Variants in GRID1 observed in about 807,000 individuals in gnomAD.
The protein encoded by GRID1 is glutamate ionotropic receptor delta type subunit 1, also known as glutamate receptor ionotropic, delta-1.
In GRID1, 28 loss-of-function variants were observed where a neutral mutation model predicts 98.0. The observed-to-expected ratio is 0.29, with a 90% CI of 0.21 to 0.39. GRID1 has a LOEUF of 0.39. Among genes scored for constraint, GRID1 ranks in the 10% least tolerant of loss-of-function variants. The probability of loss-of-function intolerance (pLI) is 1.00; values close to 1 mark genes in which losing one functional copy is unlikely to be tolerated. For missense variants in GRID1, 1,111 were observed against 1,340.5 expected (o/e 0.83, Z 2.67); for synonymous variants, 553 against 538.5 (o/e 1.03, Z -0.37).
At chr10:86,319,320 G>A (rs937313382) in intron 2 of GRID1, among the ~76,000 whole-genome samples, 1 of 152,202 alleles carries the variant, frequency 6.6e-6, no homozygotes. Flanking sequence ...GTTGGGAATA[G>A]AAGTATGGAG....
At chr10:86,145,520 T>C (rs1845075526) in intron 3 of GRID1, among the ~76,000 whole-genome samples, 1 of 128,906 alleles carries the variant, frequency 7.8e-6, no homozygotes, top group Non-Finnish European at 1.6e-5. Context: ...AAAGAAGCTC[T>C]TTGCCCACTC....
chr10:85,686,332 A>G lies in GRID1; in HGVS notation c.1997+36671T>C, dbSNP rs528559445. Among the ~76,000 whole-genome samples, 26 of 152,320 alleles carry G rather than the reference A, an allele frequency of 1.7e-4. 1 individual carries two copies. In the South Asian group the frequency reaches 5.2e-3, roughly 30 times the overall value. ...AATGCATACTTGAGCCAGTGATTCT[A>G]TTTCAAGGTATGCATTACAAAGAAC... is the stretch of plus-strand genomic sequence containing the variant. On this transcript the variant is annotated intron_variant, in intron 12 of 15. Coordinates refer to ENST00000327946, the MANE Select transcript of GRID1 (RefSeq NM_017551.3).
At chr10:85,822,098 A>G (rs1011612038) in intron 8 of GRID1, among the ~76,000 whole-genome samples, 1 of 152,200 alleles carries the variant, frequency 6.6e-6, no homozygotes, top group African/African-American at 2.4e-5. Context: ...AAGAAAACCT[A>G]GGCATTACCA....
At chr10:86,054,791 C>A (rs1299560991) in intron 4 of GRID1, among the ~76,000 whole-genome samples, 1 of 152,232 alleles carries the variant, frequency 6.6e-6, no homozygotes, top group African/African-American at 2.4e-5. Context: ...ACTTCCCAGT[C>A]CTCTCTGTAT....
Position 85,729,598 on chromosome 10 carries a change from G to A in GRID1, c.1250C>T (p.Ser417Leu). 1 of 1,611,636 alleles carries A rather than the reference G, an allele frequency of 6.2e-7. No homozygotes were observed. The highest frequency in any genetic ancestry group is 1.3e-5 in the African/African-American group (1 of 74,954). Residue 417 changes from serine to leucine, a missense_variant, in exon 9 of 16, where the codon TCA (serine) becomes TTA (leucine). Ser to Leu is a moderately radical substitution (Grantham distance 145). Around this residue, in one of 3 missense-constraint regions of GRID1, gnomAD observed 762 missense variants for 869.1 expected, o/e 0.88. Coordinates refer to ENST00000327946, the MANE Select transcript of GRID1 (RefSeq NM_017551.3). ...KDMRKLATWD[S>L]EKGLNGSLQE... is the part of the protein sequence containing the mutation. ...CAAGCTGCCATTCAAGCCCTTCTCTGAGTCCCATGTCGCCAACTGTGAAGG... is the reference window on the plus strand; with the variant it reads ...CAAGCTGCCATTCAAGCCCTTCTCTAAGTCCCATGTCGCCAACTGTGAAGG...
At chr10:86,073,708 G>T (rs1843837347) in intron 4 of GRID1, among the ~76,000 whole-genome samples, 1 of 152,190 alleles carries the variant, frequency 6.6e-6, no homozygotes, top group Admixed American at 6.5e-5. Flanking sequence ...GGGTGAAGCT[G>T]CCCAAGGCAC....
At chr10:85,785,940 C>T (rs1842424615) in intron 8 of GRID1, among the ~76,000 whole-genome samples, 2 of 151,482 alleles carry the variant, frequency 1.3e-5, no homozygotes, top group Admixed American at 1.3e-4. Context: ...CACACGCACA[C>T]ACCACATACA....
intron 4 of GRID1, among the ~76,000 whole-genome samples, chr10:86,117,390 CCAA>C (rs1436154621): frequency 1.3e-5 from 2 of 151,854 alleles, no homozygotes; most frequent in Non-Finnish European, 2.9e-5. Flanking sequence ...ATGATCAACA[CCAA>C]CATCACCACC....
At chr10:86,150,080 T>C (rs1289276425) in intron 3 of GRID1, among the ~76,000 whole-genome samples, 2 of 152,344 alleles carry the variant, frequency 1.3e-5, no homozygotes, top group East Asian at 1.9e-4. Context: ...GTTCTTCCTC[T>C]ATGATTTGCA....
At chr10:85,787,950 T>A (rs1842444426) in intron 8 of GRID1, among the ~76,000 whole-genome samples, 1 of 151,962 alleles carries the variant, frequency 6.6e-6, no homozygotes, top group East Asian at 1.9e-4. Flanking sequence ...GGTCTGGCCC[T>A]GGTTCCGCTC....
At chr10:85,729,088 T>C (rs540185638) in intron 9 of GRID1, among the ~76,000 whole-genome samples, 2 of 152,344 alleles carry the variant, frequency 1.3e-5, no homozygotes, top group Admixed American at 6.5e-5. Context: ...CTTGTGTCAC[T>C]GTCACATGAG....
chr10:85,648,795 C>A (rs1391423302), intron 12 of GRID1, among the ~76,000 whole-genome samples: 1 of 152,206 alleles, frequency 6.6e-6, no homozygotes, highest in Non-Finnish European at 1.5e-5. Flanking sequence ...CATCCGCACC[C>A]CAGCCTCCCT....
At chr10:85,613,799 C>G (rs1209978894) in intron 14 of GRID1, 152 bp from the exon 15 acceptor site, 3 of 910,554 alleles carry the variant, frequency 3.3e-6, no homozygotes, top group East Asian at 2.5e-5. Flanking sequence ...TCCCAGTCTA[C>G]TCTCCACACT....
intron 3 of GRID1, among the ~76,000 whole-genome samples, chr10:86,187,824 C>T (rs564967640): frequency 2.6e-5 from 4 of 152,328 alleles, no homozygotes; most frequent in Middle Eastern, 3.4e-3. Context: ...TCCCACCACC[C>T]ATCTCCTAAG....
chr10:86,333,514 T>C (rs538879319), intron 2 of GRID1, among the ~76,000 whole-genome samples: 2 of 152,344 alleles, frequency 1.3e-5, no homozygotes, highest in East Asian at 1.9e-4. Flanking sequence ...CAAATGTTTG[T>C]TGAAAGTACA....
At chr10:86,152,655 C>T (rs1353081046) in intron 3 of GRID1, among the ~76,000 whole-genome samples, 1 of 152,220 alleles carries the variant, frequency 6.6e-6, no homozygotes, top group Non-Finnish European at 1.5e-5. Flanking sequence ...CTCTTAAGCT[C>T]CCTGAGCCTC....
intron 2 of GRID1, among the ~76,000 whole-genome samples, chr10:86,251,214 G>A (rs1846824247): frequency 6.6e-6 from 1 of 152,062 alleles, no homozygotes; most frequent in African/African-American, 2.4e-5. Context: ...GCGGAAGGAA[G>A]GCGGCAGGGC....
intron 2 of GRID1, among the ~76,000 whole-genome samples, chr10:86,308,783 G>A (rs1014628739): frequency 6.6e-6 from 1 of 152,154 alleles, no homozygotes; most frequent in African/African-American, 2.4e-5. Flanking sequence ...AGCAGAAGGC[G>A]GAAGGCACAA....
At chr10:85,844,427 AC>A (rs1842987644) in intron 8 of GRID1, among the ~76,000 whole-genome samples, 1 of 69,242 alleles carries the variant, frequency 1.4e-5, no homozygotes, top group Non-Finnish European at 2.7e-5. Context: ...AAATACACAC[AC>A]ACACACACAC....
Sources: allele counts gnomAD v4.1 joint callset (sites outside exome capture counted in the v4.1 genomes callset), GRCh38; gene constraint gnomAD v4.1.1; regional missense constraint gnomAD v4.1.1; transcripts MANE v1.5; gene names NCBI Gene and HGNC (gene_info 2026-07-23, HGNC 2026-07-21).